ESYT1: variants seen among roughly 807,000 people sequenced by gnomAD.
The protein encoded by ESYT1 is extended synaptotagmin-1.
ESYT1 carries 116 observed loss-of-function variants against 154.2 expected under a neutral mutation model. The observed-to-expected ratio is 0.75, with a 90% confidence interval of 0.65 to 0.88. The LOEUF (loss-of-function observed/expected upper bound fraction) is 0.88, where lower values mean the gene tolerates loss of function less well. ESYT1 is among the 40% of genes least tolerant of loss of function. ESYT1 has a pLI of 0.00. For synonymous variants in ESYT1, 500 were observed against 539.9 expected (o/e 0.93, Z 1.02); for missense variants, 1,264 against 1,379.3 (o/e 0.92, Z 1.32).
At chr12:56,136,255 G>A (rs914724953) in intron 15 of ESYT1, among the ~76,000 whole-genome samples, 4 of 151,910 alleles carry the variant, frequency 2.6e-5, no homozygotes, top group East Asian at 1.9e-4. Flanking sequence ...TAAATAGGCC[G>A]AGGGAAGAGA....
chr12:56,142,784 C>A lies in ESYT1; in HGVS notation c.2889-51C>A. 6.2e-7 allele frequency: 1 copy of A among 1,613,396 alleles called. No homozygotes were observed. Among genetic ancestry groups the A allele is most frequent in the Non-Finnish European group, 8.5e-7 (1 of 1,179,722 alleles). ...ACGCAGTCAGAAATAAAAAGTATTA[C>A]AGGTTCACTAGGCTCTAGCTTTCCC... On this transcript the variant is annotated intron_variant, in intron 26 of 30. Coordinates refer to ENST00000394048, the MANE Select transcript of ESYT1 (RefSeq NM_015292.3). The surrounding 1 kb of genome is among the most constrained non-coding windows in gnomAD (Gnocchi z 4.1).
Position 56,142,643 on chromosome 12 carries a change from G to T in ESYT1, c.2799G>T (p.Ser933=). ...ACAGCTACAGCCACAGCTCCTCATC[G>T]CTGAGTGAAGAACCAGAGCTCTCGG... ...HSHSYSHSSS[S]LSEEPELSGG... is the part of the protein sequence containing the mutation. Residue 933 remains serine (S), a synonymous_variant, in exon 26 of 31, where the codon TCG becomes TCT. Transcript: ENST00000394048. The surrounding 1 kb of genome is among the most constrained non-coding windows in gnomAD (Gnocchi z 4.1). 6.2e-7 allele frequency: 1 copy of T among 1,614,074 alleles called. No individual in the cohort carries two copies. The highest frequency in any genetic ancestry group is 1.3e-5 in the African/African-American group (1 of 75,054).
At position 56,142,725 on chromosome 12, in the gene ESYT1, G is replaced by T. The variant is rs1870756234; in HGVS notation, c.2881G>T (p.Val961Phe). 2 of 1,613,832 alleles carry T rather than the reference G, an allele frequency of 1.2e-6. No individual in the cohort carries two copies. The highest frequency in any genetic ancestry group is 2.2e-5 in the South Asian group (2 of 91,088). Residue 961 changes from valine (V) to phenylalanine (F), a missense_variant, in exon 26 of 31, where the codon GTT becomes TTT. Val to Phe is a conservative substitution (Grantham distance 50, BLOSUM62 -1). Transcript: ENST00000394048. The surrounding 1 kb of genome is among the most constrained non-coding windows in gnomAD (Gnocchi z 4.1). Reference protein sequence around the residue: ...APELRQRLTHVDSPLEAPAGP... With the variant: ...APELRQRLTHFDSPLEAPAGP... ...AGAGCTCCGGCAGCGCCTAACACAT[G>T]TTGACAGGTAAAGGGCTGGGACAGG...
intron 24 of ESYT1, among the ~76,000 whole-genome samples, chr12:56,140,376 A>AT (rs928509064): frequency 1.7e-4 from 25 of 151,356 alleles, no homozygotes; most frequent in African/African-American, 6.1e-4. Flanking sequence ...TTTATTTATT[A>AT]TTTTTTTGAA....
In ESYT1 at chr12:56,130,773, ATC is replaced by A; in HGVS notation, c.433-12_433-11del. 4 of 1,613,654 alleles carry A rather than the reference ATC, an allele frequency of 2.5e-6. No homozygotes were observed. Among genetic ancestry groups the A allele is most frequent in the Non-Finnish European group, 3.4e-6 (4 of 1,179,942 alleles). On this transcript the variant is annotated splice_polypyrimidine_tract_variant and intron_variant, in intron 2 of 30. Transcript: ENST00000394048. ...GGGAAGACTGGACTCTCCTCTGACC[ATC>A]TCTCTTTCCTCCCAGATTGTGGCCC...
Position 56,131,742 on chromosome 12 carries a change from C to A in ESYT1, c.805-7C>A. 1 of 1,614,098 alleles carries A rather than the reference C, an allele frequency of 6.2e-7. No individual in the cohort carries two copies. Among genetic ancestry groups the A allele is most frequent in the Admixed American group, 1.7e-5 (1 of 60,002 alleles). Reference sequence around the variant, plus strand: ...GATCTGTCCTGACCCCTGCTCTTTCCCTCCAGACCCTAGACATCAACTGGA... The same window carrying A: ...GATCTGTCCTGACCCCTGCTCTTTCACTCCAGACCCTAGACATCAACTGGA... On this transcript the variant is annotated splice_polypyrimidine_tract_variant and splice_region_variant and intron_variant, in intron 6 of 30. Coordinates refer to ENST00000394048, the MANE Select transcript of ESYT1 (RefSeq NM_015292.3).
chr12:56,131,662 C>A, intron 6 of ESYT1, 87 bp from the exon 7 acceptor site: 1 of 1,603,816 alleles, frequency 6.2e-7, no homozygotes, highest in East Asian at 2.2e-5. Context: ...AGGGAACTGA[C>A]AAGAAGGCCG....
chr12:56,128,369 C>T lies in ESYT1; in HGVS notation c.50C>T (p.Pro17Leu). 1 of 1,612,430 alleles carries T rather than the reference C, an allele frequency of 6.2e-7. No homozygotes were observed. The highest frequency in any genetic ancestry group is 1.3e-5 in the African/African-American group (1 of 75,050). Reference protein sequence around the residue: ...EGPSPSPMDQPSAPSDPTDQP... With the variant: ...EGPSPSPMDQLSAPSDPTDQP... Reference sequence around the variant, plus strand: ...CCCAGCCCCAGCCCCATGGACCAGCCCTCTGCTCCCTCCGACCCCACTGAC... The same window carrying T: ...CCCAGCCCCAGCCCCATGGACCAGCTCTCTGCTCCCTCCGACCCCACTGAC... The change falls in exon 1 of 31, where the codon CCC becomes CTC. Residue 17 changes from proline (P) to leucine (L), a missense_variant. Pro to Leu is a moderately conservative substitution (Grantham distance 98). Coordinates refer to ENST00000394048, the MANE Select transcript of ESYT1 (RefSeq NM_015292.3).
chr12:56,137,029 T>A (rs984128869), intron 16 of ESYT1, 136 bp downstream of exon 16: 3 of 1,312,104 alleles, frequency 2.3e-6, no homozygotes, highest in African/African-American at 3.0e-5. Flanking sequence ...CAAAAACATA[T>A]ATTGATCTGA....
In ESYT1 at chr12:56,144,333, A is replaced by G. The variant is rs1388275496; in HGVS notation, c.*471A>G. 2 of 1,014,122 alleles carry G rather than the reference A, an allele frequency of 2.0e-6. No individual in the cohort carries two copies. Among genetic ancestry groups the G allele is most frequent in the Non-Finnish European group, 2.4e-6 (2 of 846,198 alleles). The allele number at this position is 1,014,122 out of a possible 1,614,324, so 62.8% of individuals were successfully genotyped here. A position where few individuals can be genotyped will look rare whatever the true frequency, so the allele number is the denominator to read the frequency against. On this transcript the variant is annotated 3_prime_UTR_variant, in exon 31 of 31. Coordinates refer to ENST00000394048, the MANE Select transcript of ESYT1 (RefSeq NM_015292.3). ...GCCTCTTAGACTACTGCATGTAGCA[A>G]ATGTTCAGCAGCTCAGGCCCCCATG... is the stretch of plus-strand genomic sequence containing the variant.
intron 6 of ESYT1, 43 bp downstream of exon 6, chr12:56,131,609 A>G: frequency 6.2e-7 from 1 of 1,610,506 alleles, no homozygotes; most frequent in Non-Finnish European, 8.5e-7. Context: ...CAGGAGAAAC[A>G]GAGGACTGGG....
chr12:56,140,446 A>G (rs181408387), intron 24 of ESYT1, among the ~76,000 whole-genome samples: 9 of 151,818 alleles, frequency 5.9e-5, no homozygotes, highest in Admixed American at 5.9e-4. Context: ...GCTCACTGCA[A>G]CCTCCCTCCT....
rs1190396616 is a variant in ESYT1, at chr12:56,142,985, G to A, written c.2988-32G>A. ...AGATCGCCTCCATCCCTTCCCTCAG[G>A]TTACCATATCACCTACATCCTCCTG... is the stretch of plus-strand genomic sequence containing the variant. On this transcript the variant is annotated intron_variant, in intron 27 of 30. Transcript: ENST00000394048. The surrounding 1 kb of genome is among the most constrained non-coding windows in gnomAD (Gnocchi z 4.1). 6.2e-7 allele frequency: 1 copy of A among 1,613,954 alleles called. No homozygotes were observed. Among genetic ancestry groups the A allele is most frequent in the African/African-American group, 1.3e-5 (1 of 74,886 alleles).
At position 56,133,821 on chromosome 12, in the gene ESYT1, C is replaced by A; in HGVS notation, c.1421C>A (p.Pro474His). ...WNWGVSSRPD[P>H]PSAAILVVYL... The stretch of plus-strand genomic sequence containing the variant: ...TGGGGAGTCTCCTCTCGACCAGATC[C>A]CCCGTCAGCTGCCATCTTAGTTGTC... The change falls in exon 13 of 31, where the codon CCC becomes CAC. Residue 474 changes from proline (P) to histidine (H), a missense_variant. Physicochemically the swap from Pro to His is moderately conservative, Grantham distance 77 (BLOSUM62 -2). Transcript: ENST00000394048. 1 of 1,614,166 alleles carries A rather than the reference C, an allele frequency of 6.2e-7. No homozygotes were observed. Among genetic ancestry groups the A allele is most frequent in the Non-Finnish European group, 8.5e-7 (1 of 1,180,036 alleles).
chr12:56,137,426 A>G, intron 17 of ESYT1, 53 bp downstream of exon 17: 1 of 1,612,192 alleles, frequency 6.2e-7, no homozygotes, highest in South Asian at 1.1e-5. Flanking sequence ...TAAGTATGCA[A>G]AGCCTGTTTC....
At chr12:56,137,736 G>A in intron 18 of ESYT1, 61 bp downstream of exon 18, 1 of 1,609,882 alleles carries the variant, frequency 6.2e-7, no homozygotes, top group Middle Eastern at 1.7e-4. Flanking sequence ...TCCCAAAAGT[G>A]GTCCAGAAAC....
rs529183248 is a variant in ESYT1, at chr12:56,144,069, G to A, written c.*207G>A. The stretch of plus-strand genomic sequence containing the variant: ...TTACTGCACGGCCTTTATCCTTCTG[G>A]GCCCCTGGGGCGGGGACCTGAGCTG... On this transcript the variant is annotated 3_prime_UTR_variant, in exon 31 of 31. Transcript: ENST00000394048. The A allele has an allele frequency of 2.8e-6, 4 of 1,429,738 alleles. No homozygotes were observed. In the South Asian group the frequency reaches 4.5e-5, roughly 16 times the overall value. 88.6% of individuals were successfully genotyped at this position (1,429,738 alleles called of 1,614,324 possible).
rs1870742596 is a variant in ESYT1, at chr12:56,142,511, A to T, written c.2734-67A>T. ...GGGACACCCAGGAGGGTGGGAACAG[A>T]GGGCCGTGTCCTTAGAGTGAGGGAA... is the stretch of plus-strand genomic sequence containing the variant. On this transcript the variant is annotated intron_variant, in intron 25 of 30. Coordinates refer to ENST00000394048, the MANE Select transcript of ESYT1 (RefSeq NM_015292.3). This position sits in a 1 kb window ranked among gnomAD's most constrained non-coding sequence, Gnocchi z 4.1. The T allele has an allele frequency of 2.5e-6, 4 of 1,610,344 alleles. No individual in the cohort carries two copies. The South Asian group carries it at 3.3e-5, about 13-fold the overall frequency.
At chr12:56,134,818 C>CG (rs1412696886) in intron 15 of ESYT1, among the ~76,000 whole-genome samples, 1 of 152,010 alleles carries the variant, frequency 6.6e-6, no homozygotes. Flanking sequence ...AGGCTGGTCT[C>CG]GAACTCCTGA....
Sources: gnomAD v4.1 joint callset for allele counts (sites outside exome capture counted in the v4.1 genomes callset) on GRCh38, gnomAD v4.1.1 for gene constraint, Gnocchi (gnomAD v3.1) non-coding constraint, MANE v1.5 for transcripts, NCBI Gene and HGNC (gene_info 2026-07-23, HGNC 2026-07-21) for gene names.